The following GLYR1 variants were observed in gnomAD, a reference collection of about 807,000 sequenced individuals.
The protein encoded by GLYR1 is glyoxylate reductase 1 homolog, also known as cytokine-like nuclear factor N-PAC.
GLYR1 carries 21 observed loss-of-function variants against 72.7 expected under a neutral mutation model. The ratio of observed to expected loss-of-function variants is 0.29; its 90% CI spans 0.20 to 0.42. The LOEUF (loss-of-function observed/expected upper bound fraction) is 0.42. Ranked by LOEUF, GLYR1 falls within the 10% of genes least tolerant of loss-of-function variation. The pLI, the probability that GLYR1 is intolerant of heterozygous loss-of-function variation, is 1.00. For missense variants in GLYR1, 594 were observed against 712.1 expected (o/e 0.83, Z 1.89); for synonymous variants, 392 against 270.2 (o/e 1.45, Z -4.42).
intron 5 of GLYR1, among the ~76,000 whole-genome samples, chr16:4,825,799 G>A (rs1406484437): frequency 2.6e-5 from 4 of 151,948 alleles, no homozygotes; most frequent in Admixed American, 6.6e-5. Flanking sequence ...CCACAGGCGC[G>A]CGGCCACCAT....
chr16:4,820,624 G>C (rs1369375081), intron 9 of GLYR1, among the ~76,000 whole-genome samples: 1 of 152,198 alleles, frequency 6.6e-6, no homozygotes, highest in Non-Finnish European at 1.5e-5. Context: ...GATTTAAACA[G>C]TACAAAAATA....
chr16:4,842,532 A>G (rs889570780), intron 3 of GLYR1, among the ~76,000 whole-genome samples: 2 of 151,284 alleles, frequency 1.3e-5, no homozygotes, highest in South Asian at 4.2e-4. Context: ...AAAAAAATTT[A>G]TTTTTTTAAG....
At chr16:4,806,723 A>AT (rs1393953086) in intron 15 of GLYR1, among the ~76,000 whole-genome samples, 28 of 152,030 alleles carry the variant, frequency 1.8e-4, no homozygotes, top group Non-Finnish European at 3.5e-4. Flanking sequence ...TTTATACCGC[A>AT]ATCTGTAGAG....
At chr16:4,828,432 C>G (rs1478528647) in intron 5 of GLYR1, among the ~76,000 whole-genome samples, 1 of 152,034 alleles carries the variant, frequency 6.6e-6, no homozygotes, top group African/African-American at 2.4e-5. Context: ...CAGTATAAAC[C>G]TAACTTTAAC....
Position 4,827,060 on chromosome 16 carries a change from G to A in GLYR1, c.538-3153C>T, listed in dbSNP as rs549047549. Reference sequence around the variant, plus strand: ...ATCCCCAGAAAGAGGGTAGGTGGGCGCTGCTGGGGTGCAGCTCTTACATGC... The same window carrying A: ...ATCCCCAGAAAGAGGGTAGGTGGGCACTGCTGGGGTGCAGCTCTTACATGC... On this transcript the variant is annotated intron_variant, in intron 5 of 15. Transcript: ENST00000321919. Among the ~76,000 whole-genome samples the A allele has an allele frequency of 1.3e-4, 20 of 152,350 alleles. No individual in the cohort carries two copies. The South Asian group carries it at 1.9e-3, about 14-fold the overall frequency.
chr16:4,832,750 G>C, intron 4 of GLYR1, 24 bp downstream of exon 4: 1 of 1,591,512 alleles, frequency 6.3e-7, no homozygotes, highest in Admixed American at 1.8e-5. Flanking sequence ...GGCATTGGTA[G>C]AAAGTGAACA....
At chr16:4,811,546 C>A (rs9928915) in intron 14 of GLYR1, 77 bp downstream of exon 14, 4 of 1,543,282 alleles carry the variant, frequency 2.6e-6, no homozygotes, top group African/African-American at 1.4e-5. Flanking sequence ...GCATCTTTCA[C>A]GCTCACTAAA....
In GLYR1 at chr16:4,823,916, G is replaced by A; in HGVS notation, c.538-9C>T. The A allele has an allele frequency of 1.2e-6, 2 of 1,607,854 alleles. No individual in the cohort carries two copies. The highest frequency in any genetic ancestry group is 2.2e-5 in the East Asian group (1 of 44,816). On this transcript the variant is annotated splice_polypyrimidine_tract_variant and intron_variant, in intron 5 of 15. Transcript: ENST00000321919. ...TCCGGGATGGTGAGATCCTATAGAG[G>A]GAGGGGCAGGGCATTTTAAAATCAC...
chr16:4,838,084 T>C (rs572965101), intron 3 of GLYR1, among the ~76,000 whole-genome samples: 1 of 152,216 alleles, frequency 6.6e-6, no homozygotes, highest in African/African-American at 2.4e-5. Context: ...TGGGTGCCTT[T>C]TTAAAAAAAA....
At position 4,843,867 on chromosome 16, in the gene GLYR1, G is replaced by C. The variant is rs556218515; in HGVS notation, c.155+1207C>G. 9.7e-4 allele frequency: 190 copies of C among 194,932 alleles called. 2 individuals carry two copies. Among genetic ancestry groups the C allele is most frequent in the African/African-American group, 4.6e-3 (185 of 40,398 alleles). 12.1% of individuals were successfully genotyped at this position (194,932 alleles called of 1,614,324 possible). A position where few individuals can be genotyped will look rare whatever the true frequency, so the allele number is the denominator to read the frequency against. Reference sequence around the variant, plus strand: ...TCCCAGCACTTTGGGAGGCTGAGGGGGTTGGGGGGGGGAGGGGCAGATGAC... The same window carrying C: ...TCCCAGCACTTTGGGAGGCTGAGGGCGTTGGGGGGGGGAGGGGCAGATGAC... On this transcript the variant is annotated intron_variant, in intron 3 of 15. Transcript: ENST00000321919.
chr16:4,847,120 C>T (rs938144070), intron 1 of GLYR1, 108 bp downstream of exon 1: 14 of 1,072,794 alleles, frequency 1.3e-5, no homozygotes, highest in Admixed American at 1.3e-4. Context: ...TCCCCTCTCT[C>T]CGCGACCTGG....
chr16:4,835,735 A>G (rs140616249), intron 3 of GLYR1, among the ~76,000 whole-genome samples: 1 of 152,232 alleles, frequency 6.6e-6, no homozygotes, highest in Non-Finnish European at 1.5e-5. Flanking sequence ...GAAGGCTGAG[A>G]CAGGAGAAAC....
chr16:4,808,480 C>G (rs1205241642), intron 15 of GLYR1, among the ~76,000 whole-genome samples: 2 of 150,888 alleles, frequency 1.3e-5, no homozygotes, highest in African/African-American at 4.9e-5. Flanking sequence ...CACCTGTAAT[C>G]CCAGCTACTG....
At chr16:4,813,878 G>T (rs112226185) in intron 11 of GLYR1, 40 bp from the exon 12 acceptor site, 2 of 1,520,462 alleles carry the variant, frequency 1.3e-6, no homozygotes, top group Admixed American at 3.8e-5. Flanking sequence ...CCAGGCTCCC[G>T]GGCAGATGCT....
chr16:4,817,802 G>A (rs1386307984), intron 9 of GLYR1, 105 bp from the exon 10 acceptor site: 12 of 746,072 alleles, frequency 1.6e-5, no homozygotes, highest in Non-Finnish European at 2.8e-5. Context: ...TTGGGGTAGG[G>A]GAATTCAGAC....
rs750569725 is a variant in GLYR1 at position 4,822,964 on chromosome 16, T to G, written c.625-33A>C. On this transcript the variant is annotated intron_variant, in intron 6 of 15. Coordinates refer to ENST00000321919, the MANE Select transcript of GLYR1 (RefSeq NM_032569.4). The stretch of plus-strand genomic sequence containing the variant: ...CAGAAAACAGTGAAATAAAACCAGT[T>G]ATCTGCCACCAAAGGTCACTTCCTT... The G allele has an allele frequency of 5.0e-6, 8 of 1,591,022 alleles. No homozygotes were observed. In the South Asian group the frequency reaches 8.8e-5, roughly 18 times the overall value.
At chr16:4,826,781 G>A (rs1345797879) in intron 5 of GLYR1, among the ~76,000 whole-genome samples, 1 of 152,220 alleles carries the variant, frequency 6.6e-6, no homozygotes, top group East Asian at 1.9e-4. Flanking sequence ...GCATTTTAAT[G>A]TGCATTTAAT....
chr16:4,818,270 G>A (rs1044308958), intron 9 of GLYR1, among the ~76,000 whole-genome samples: 5 of 152,196 alleles, frequency 3.3e-5, no homozygotes, highest in African/African-American at 1.2e-4. Flanking sequence ...TCGGATTACA[G>A]GCGTGAGCCA....
intron 3 of GLYR1, among the ~76,000 whole-genome samples, chr16:4,836,032 C>G (rs1194787593): frequency 1.3e-5 from 2 of 152,172 alleles, no homozygotes; most frequent in East Asian, 3.9e-4. Flanking sequence ...CTCCTGAACT[C>G]AAGTAATCTG....
Sources: gnomAD v4.1 joint callset for allele counts (sites outside exome capture counted in the v4.1 genomes callset) on GRCh38, gnomAD v4.1.1 for gene constraint, MANE v1.5 for transcripts, NCBI Gene and HGNC (gene_info 2026-07-23, HGNC 2026-07-21) for gene names.